The following RIPK4 variants were observed in gnomAD, a reference collection of about 807,000 sequenced individuals.
RIPK4 encodes receptor interacting serine/threonine kinase 4.
In RIPK4, 17 loss-of-function variants were observed where a neutral mutation model predicts 42.9. That is an observed-to-expected ratio of 0.40 (90% CI 0.27 to 0.59). The LOEUF (loss-of-function observed/expected upper bound fraction) is 0.59, where lower values mean the gene tolerates loss of function less well. RIPK4 is among the 20% of genes least tolerant of loss of function. The probability of loss-of-function intolerance (pLI) is 0.47; values close to 1 mark genes in which losing one functional copy is unlikely to be tolerated. For synonymous variants in RIPK4, 498 were observed against 499.1 expected (o/e 1.00, Z 0.03); for missense variants, 897 against 1,104.4 (o/e 0.81, Z 2.66).
At chr21:41,746,905 C>G (rs543708665) in intron 4 of RIPK4, 134 bp from the exon 5 acceptor site, 9 of 967,006 alleles carry the variant, frequency 9.3e-6, no homozygotes, top group African/African-American at 8.3e-5. Context: ...ACGGCTCCCC[C>G]ACTCCGTTTC....
intron 1 of RIPK4, among the ~76,000 whole-genome samples, chr21:41,763,289 T>C (rs941563601): frequency 6.6e-6 from 1 of 151,946 alleles, no homozygotes. Flanking sequence ...GGGAGGCCAA[T>C]GGAGTAGCGA....
At chr21:41,743,257 A>G (rs938513535) in intron 7 of RIPK4, among the ~76,000 whole-genome samples, 4 of 152,330 alleles carry the variant, frequency 2.6e-5, no homozygotes, top group Non-Finnish European at 5.9e-5. Context: ...GGAGGCCAGA[A>G]CAAGCACCAG....
At chr21:41,761,525 C>T (rs1158753258) in intron 1 of RIPK4, among the ~76,000 whole-genome samples, 2 of 152,054 alleles carry the variant, frequency 1.3e-5, no homozygotes, top group Non-Finnish European at 1.5e-5. Flanking sequence ...GGGGCGCTGG[C>T]GAAAGTCCTT....
chr21:41,752,593 G>A (rs546447957), intron 2 of RIPK4, among the ~76,000 whole-genome samples: 18 of 152,316 alleles, frequency 1.2e-4, no homozygotes, highest in South Asian at 1.0e-3. Flanking sequence ...CTGCACTCCA[G>A]GGAAAGCGCC....
chr21:41,760,549 C>T (rs752037680), intron 1 of RIPK4, among the ~76,000 whole-genome samples: 2 of 152,320 alleles, frequency 1.3e-5, no homozygotes, highest in Non-Finnish European at 2.9e-5. Context: ...GCCAGCAGAG[C>T]GGAGCAGTCG....
At chr21:41,747,197 C>G (rs1460489426) in intron 4 of RIPK4, among the ~76,000 whole-genome samples, 5 of 152,238 alleles carry the variant, frequency 3.3e-5, no homozygotes, top group Non-Finnish European at 7.3e-5. Flanking sequence ...AGAGACCCAA[C>G]TCTCTCTACA....
chr21:41,746,661 T>C lies in RIPK4; in HGVS notation c.784A>G (p.Met262Val). Reference sequence around the variant, plus strand: ...GGATCCCCCTGCCAGCACCGCTGCATGAGGCGTATCAGGTGGCTGCAGGCG... The same window carrying C: ...GGATCCCCCTGCCAGCACCGCTGCACGAGGCGTATCAGGTGGCTGCAGGCG... ...PRACSHLIRLMQRCWQGDPRV... is the reference protein window; with the variant it reads ...PRACSHLIRLVQRCWQGDPRV... Residue 262 changes from methionine to valine, a missense_variant, in exon 5 of 8, where the codon ATG becomes GTG. By Grantham distance (21) the Met-to-Val change is conservative. Coordinates refer to ENST00000332512, the MANE Select transcript of RIPK4 (RefSeq NM_020639.3). 6.2e-7 allele frequency: 1 copy of C among 1,611,334 alleles called. No individual in the cohort carries two copies. The highest frequency in any genetic ancestry group is 8.5e-7 in the Non-Finnish European group (1 of 1,179,848).
At position 41,751,171 on chromosome 21, in the gene RIPK4, G is replaced by C; in HGVS notation, c.549C>G (p.Gly183=). ...SHDLSMDGLF[G]TIAYLPPERI... is the part of the protein sequence containing the mutation. ...GCTCTGGAGGGAGGTAGGCGATTGT[G>C]CCAAACAGGCCATCCATGCTGAGGT... is the stretch of plus-strand genomic sequence containing the variant. The change falls in exon 3 of 8, where the codon GGC becomes GGG. Residue 183 remains glycine (G), a synonymous_variant. Coordinates refer to ENST00000332512, the MANE Select transcript of RIPK4 (RefSeq NM_020639.3). This position sits in a 1 kb window ranked among gnomAD's most constrained non-coding sequence, Gnocchi z 4.5. 1 of 1,614,220 alleles carries C rather than the reference G, an allele frequency of 6.2e-7. No homozygotes were observed. The highest frequency in any genetic ancestry group is 1.3e-5 in the African/African-American group (1 of 75,062).
intron 6 of RIPK4, 93 bp from the exon 7 acceptor site, chr21:41,744,233 C>G (rs183562647): frequency 7.7e-7 from 1 of 1,291,826 alleles, no homozygotes; most frequent in Non-Finnish European, 1.0e-6. Context: ...AGGTGGGCCA[C>G]GGGAGGGAGA....
chr21:41,741,053 C>G lies in RIPK4; in HGVS notation c.2140G>C (p.Gly714Arg). Residue 714 changes from glycine to arginine, a missense_variant, in exon 8 of 8, where the codon GGG (glycine) becomes CGG (arginine). Physicochemically the swap from Gly to Arg is moderately radical, Grantham distance 125 (BLOSUM62 -2). Coordinates refer to ENST00000332512, the MANE Select transcript of RIPK4 (RefSeq NM_020639.3). ...QTALHLAAAHGHSEVVEELVS... is the reference protein window; with the variant it reads ...QTALHLAAAHRHSEVVEELVS... ...AACTCCTCCACCACCTCCGAGTGCCCGTGGGCGGCAGCCAGGTGCAGCGCC... is the reference window on the plus strand; with the variant it reads ...AACTCCTCCACCACCTCCGAGTGCCGGTGGGCGGCAGCCAGGTGCAGCGCC... 6.2e-7 allele frequency: 1 copy of G among 1,610,072 alleles called. No homozygotes were observed. Among genetic ancestry groups the G allele is most frequent in the Non-Finnish European group, 8.5e-7 (1 of 1,179,286 alleles).
chr21:41,746,868 G>T, intron 4 of RIPK4, 97 bp from the exon 5 acceptor site: 1 of 1,390,700 alleles, frequency 7.2e-7, no homozygotes, highest in Admixed American at 2.2e-5. Context: ...GGCCACAATG[G>T]GGCCATCCCC....
Position 41,743,964 on chromosome 21 carries a change from G to A in RIPK4, c.1113C>T (p.Leu371=), listed in dbSNP as rs747543112. The part of the protein sequence containing the change: ...KLPSSGSGKR[L]SGVSSVDSAF... The stretch of plus-strand genomic sequence containing the variant: ...CGGAGTCCACCGAGGACACCCCCGA[G>A]AGCCTCTTCCCACTGCCGGACGATG... The change falls in exon 7 of 8, where the codon CTC becomes CTT. Residue 371 remains leucine (L), a synonymous_variant. Coordinates refer to ENST00000332512, the MANE Select transcript of RIPK4 (RefSeq NM_020639.3). 1 of 1,613,518 alleles carries A rather than the reference G, an allele frequency of 6.2e-7. No individual in the cohort carries two copies. The highest frequency in any genetic ancestry group is 1.7e-5 in the Admixed American group (1 of 60,018).
chr21:41,746,244 C>T (rs1366227991), intron 5 of RIPK4: 2 of 589,480 alleles, frequency 3.4e-6, no homozygotes, highest in African/African-American at 3.7e-5. Context: ...CACATCTGTC[C>T]CAGGAAGTCA....
rs149250217 is a variant in RIPK4, at chr21:41,764,139, C to T, written c.182+2721G>A. On this transcript the variant is annotated intron_variant, in intron 1 of 7. Transcript: ENST00000332512. Reference sequence around the variant, plus strand: ...GCACTTCCTGTCCCTGGGAGCCTCGCTAAGTGTCTGGGGGCTGGGCGGCCC... The same window carrying T: ...GCACTTCCTGTCCCTGGGAGCCTCGTTAAGTGTCTGGGGGCTGGGCGGCCC... Among the ~76,000 whole-genome samples the T allele has an allele frequency of 2.8e-3, 425 of 152,324 alleles. 5 individuals carry two copies. The highest frequency in any genetic ancestry group is 0.024 in the East Asian group (127 of 5,184).
chr21:41,741,787 C>T lies in RIPK4; in HGVS notation c.1406G>A (p.Arg469His), dbSNP rs1288169822. Residue 469 changes from arginine (R) to histidine (H), a missense_variant, in exon 8 of 8, where the codon CGT becomes CAT. Arg to His is a conservative substitution (Grantham distance 29, BLOSUM62 0). Coordinates refer to ENST00000332512, the MANE Select transcript of RIPK4 (RefSeq NM_020639.3). Reference sequence around the variant, plus strand: ...CATGTGCAACGGGGTGGAGCCCCTACGGTTGCTCAGGTTGGGGTTGGCATT... The same window carrying T: ...CATGTGCAACGGGGTGGAGCCCCTATGGTTGCTCAGGTTGGGGTTGGCATT... Reference protein sequence around the residue: ...LNNANPNLSNRRGSTPLHMAV... With the variant: ...LNNANPNLSNHRGSTPLHMAV... 1.2e-5 allele frequency: 19 copies of T among 1,611,250 alleles called. No homozygotes were observed. The Middle Eastern group carries it at 6.6e-4, about 56-fold the overall frequency.
chr21:41,743,803 C>T (rs562192513), intron 7 of RIPK4, 79 bp downstream of exon 7: 22 of 1,475,502 alleles, frequency 1.5e-5, no homozygotes, highest in South Asian at 1.5e-4. Context: ...CCCTTGATTC[C>T]GTTTAGCTTC....
chr21:41,765,882 C>T (rs1328126181), intron 1 of RIPK4, among the ~76,000 whole-genome samples: 1 of 152,220 alleles, frequency 6.6e-6, no homozygotes, highest in East Asian at 1.9e-4. Context: ...AAATCTACAA[C>T]AACAAAGAGG....
chr21:41,760,486 C>G (rs1451991019), intron 1 of RIPK4, among the ~76,000 whole-genome samples: 1 of 152,218 alleles, frequency 6.6e-6, no homozygotes, highest in African/African-American at 2.4e-5. Context: ...GAAAGGGCCC[C>G]TGAGAGAATC....
At chr21:41,746,297 A>G in intron 5 of RIPK4, 1 of 587,972 alleles carries the variant, frequency 1.7e-6, no homozygotes, top group East Asian at 3.0e-5. Context: ...CCGGCCAGGT[A>G]AGTCCCCGGG....
Sources: allele counts gnomAD v4.1 joint callset (sites outside exome capture counted in the v4.1 genomes callset), GRCh38; gene constraint gnomAD v4.1.1; non-coding constraint Gnocchi (gnomAD v3.1); transcripts MANE v1.5; gene names NCBI Gene and HGNC (gene_info 2026-07-23, HGNC 2026-07-21).